The following BRINP3 variants were observed in gnomAD, a reference collection of about 807,000 sequenced individuals.
BRINP3 encodes BMP/retinoic acid inducible neural specific 3.
BRINP3 carries 19 observed loss-of-function variants against 71.0 expected under a neutral mutation model. The ratio of observed to expected loss-of-function variants is 0.27; its 90% CI spans 0.19 to 0.39. The LOEUF is 0.39. BRINP3 is among the 10% of genes least tolerant of loss of function. The pLI is 1.00. For missense variants in BRINP3, 959 were observed against 940.8 expected, an observed-to-expected ratio of 1.02 and a Z score of -0.25; for synonymous variants, 380 against 337.7, an observed-to-expected ratio of 1.13 and a Z score of -1.37.
intron 7 of BRINP3, among the ~76,000 whole-genome samples, chr1:190,159,280 A>G (rs1657138763): frequency 6.6e-6 from 1 of 152,094 alleles, no homozygotes; most frequent in Non-Finnish European, 1.5e-5. Context: ...AAAATATAAA[A>G]TGGTGCAGCC....
At chr1:190,408,044 T>C in intron 2 of BRINP3, among the ~76,000 whole-genome samples, 1 of 105,470 alleles carries the variant, frequency 9.5e-6, no homozygotes, top group Admixed American at 1.3e-4. Context: ...TTTTTTGAGA[T>C]GGAGTCTCGC....
intron 3 of BRINP3, among the ~76,000 whole-genome samples, chr1:190,265,849 A>T (rs999625278): frequency 6.6e-6 from 1 of 152,214 alleles, no homozygotes; most frequent in African/African-American, 2.4e-5. Context: ...CAGATAAAGC[A>T]TGTGTATGCA....
At chr1:190,312,204 A>C (rs540704809) in intron 2 of BRINP3, among the ~76,000 whole-genome samples, 1 of 150,752 alleles carries the variant, frequency 6.6e-6, no homozygotes, top group African/African-American at 2.4e-5. Context: ...TAAATTGCGA[A>C]TTTATGTTAT....
chr1:190,166,616 A>C (rs1056611714), intron 6 of BRINP3, among the ~76,000 whole-genome samples: 2 of 152,126 alleles, frequency 1.3e-5, no homozygotes, highest in Non-Finnish European at 2.9e-5. Flanking sequence ...GCCTAGAGAA[A>C]TTTTCTCAGG....
intron 2 of BRINP3, among the ~76,000 whole-genome samples, chr1:190,412,395 T>TTATATATATATATATATATATTA (rs10552194): frequency 2.2e-5 from 3 of 134,994 alleles, no homozygotes; most frequent in Non-Finnish European, 4.7e-5. Context: ...TATATATATA[T>TTATATATATATATATATATATTA]TATATATATA....
intron 6 of BRINP3, among the ~76,000 whole-genome samples, chr1:190,221,075 G>A (rs546732240): frequency 2.2e-4 from 33 of 152,138 alleles, no homozygotes; most frequent in African/African-American, 7.7e-4. Flanking sequence ...AAAATTAGTC[G>A]GGCATGGTGG....
intron 2 of BRINP3, among the ~76,000 whole-genome samples, chr1:190,319,286 TCTC>T (rs1157687539): frequency 6.6e-6 from 1 of 152,072 alleles, no homozygotes; most frequent in Non-Finnish European, 1.5e-5. Context: ...GTTATGTCCT[TCTC>T]CTCTGGCATA....
At chr1:190,330,852 T>C (rs1327839994) in intron 2 of BRINP3, among the ~76,000 whole-genome samples, 1 of 152,002 alleles carries the variant, frequency 6.6e-6, no homozygotes, top group African/African-American at 2.4e-5. Context: ...AGCTGGAGTC[T>C]ATTGTCCTAA....
At chr1:190,284,531 C>T (rs1289232373) in intron 2 of BRINP3, among the ~76,000 whole-genome samples, 1 of 151,988 alleles carries the variant, frequency 6.6e-6, no homozygotes, top group African/African-American at 2.4e-5. Context: ...AACTCCTCTA[C>T]CCATTTATCA....
rs1463381805 is a variant in BRINP3 at position 190,438,532 on chromosome 1, CT to C, written c.236+16122del. Among the ~76,000 whole-genome samples, 6 of 151,784 alleles carry C rather than the reference CT, an allele frequency of 4.0e-5. No individual in the cohort carries two copies. In the East Asian group the frequency reaches 1.2e-3, roughly 29 times the overall value. On this transcript the variant is annotated intron_variant, in intron 2 of 7. Coordinates refer to ENST00000367462, the MANE Select transcript of BRINP3 (RefSeq NM_199051.3). ...GTAGCTATAAAAAGCCATCATGAAG[CT>C]TGACTTGTAGCTTATGCTGACTTTG...
chr1:190,158,574 T>A, intron 7 of BRINP3, among the ~76,000 whole-genome samples: 1 of 151,914 alleles, frequency 6.6e-6, no homozygotes, highest in East Asian at 1.9e-4. Flanking sequence ...AATATACCTA[T>A]AAAACAAATG....
intron 2 of BRINP3, among the ~76,000 whole-genome samples, chr1:190,289,492 A>C (rs1663691523): frequency 6.6e-6 from 1 of 151,974 alleles, no homozygotes; most frequent in Admixed American, 6.6e-5. Context: ...CAGAAAAAGT[A>C]TAAACTTAAG....
chr1:190,452,163 G>C (rs1461834509), intron 2 of BRINP3, among the ~76,000 whole-genome samples: 1 of 152,114 alleles, frequency 6.6e-6, no homozygotes, highest in East Asian at 1.9e-4. Flanking sequence ...TTAATGAAAA[G>C]TGAACTTTCT....
At chr1:190,113,056 T>G (rs1463808073) in intron 7 of BRINP3, among the ~76,000 whole-genome samples, 2 of 152,166 alleles carry the variant, frequency 1.3e-5, no homozygotes, top group African/African-American at 4.8e-5. Flanking sequence ...TTGTGATAAC[T>G]GTTGATACTA....
At chr1:190,402,879 A>T (rs777917993) in intron 2 of BRINP3, among the ~76,000 whole-genome samples, 2 of 152,010 alleles carry the variant, frequency 1.3e-5, no homozygotes, top group African/African-American at 2.4e-5. Context: ...GGCACAAGCC[A>T]GCATGCCCAG....
At chr1:190,276,192 ATTAT>A (rs940772097) in intron 3 of BRINP3, among the ~76,000 whole-genome samples, 3 of 151,620 alleles carry the variant, frequency 2.0e-5, no homozygotes, top group African/African-American at 7.2e-5. Flanking sequence ...ATCTCAAGTA[ATTAT>A]TCATATTTCT....
At chr1:190,162,820 T>C (rs1307033936) in intron 6 of BRINP3, among the ~76,000 whole-genome samples, 1 of 152,148 alleles carries the variant, frequency 6.6e-6, no homozygotes, top group African/African-American at 2.4e-5. Context: ...ATGTAATTTC[T>C]AAGAAATAGG....
intron 2 of BRINP3, among the ~76,000 whole-genome samples, chr1:190,413,730 T>A (rs897531191): frequency 6.6e-5 from 10 of 152,172 alleles, no homozygotes; most frequent in African/African-American, 2.4e-4. Context: ...TGACAGAATA[T>A]ATTTCTATTA....
intron 2 of BRINP3, among the ~76,000 whole-genome samples, chr1:190,451,746 T>C (rs1289444777): frequency 6.6e-6 from 1 of 152,326 alleles, no homozygotes; most frequent in East Asian, 1.9e-4. Flanking sequence ...AAAAACACAC[T>C]TTTTCAAACA....
Sources: gnomAD v4.1 joint callset for allele counts (sites outside exome capture counted in the v4.1 genomes callset) on GRCh38, gnomAD v4.1.1 for gene constraint, MANE v1.5 for transcripts, NCBI Gene and HGNC (gene_info 2026-07-23, HGNC 2026-07-21) for gene names.